Variants in SCAPER observed in about 807,000 individuals in gnomAD.
SCAPER encodes the protein S-phase cyclin A associated protein in the ER.
SCAPER carries 98 observed loss-of-function variants against 182.2 expected under a neutral mutation model. That is an observed-to-expected ratio of 0.54 (90% CI 0.46 to 0.64). SCAPER has a LOEUF of 0.64. Among genes scored for constraint, SCAPER ranks in the 30% least tolerant of loss-of-function variants. The pLI is 0.00. For missense variants in SCAPER, 1,432 were observed against 1,690.0 expected, an observed-to-expected ratio of 0.85 and a Z score of 2.68; for synonymous variants, 605 against 564.6, an observed-to-expected ratio of 1.07 and a Z score of -1.01.
At chr15:76,693,506 A>G (rs1312865087) in intron 20 of SCAPER, among the ~76,000 whole-genome samples, 1 of 152,166 alleles carries the variant, frequency 6.6e-6, no homozygotes, top group Non-Finnish European at 1.5e-5. Context: ...AACTGAAAGC[A>G]AGGACTCAAA....
chr15:76,634,222 G>A (rs971781178), intron 21 of SCAPER, among the ~76,000 whole-genome samples: 2 of 152,194 alleles, frequency 1.3e-5, no homozygotes, highest in African/African-American at 4.8e-5. Flanking sequence ...CCCTTGCCTG[G>A]GGGAGGGAGC....
Position 76,728,740 on chromosome 15 carries a change from A to C in SCAPER, c.2023-3T>G, listed in dbSNP as rs1327430918. The stretch of plus-strand genomic sequence containing the variant: ...GCCTCTAGAGCTCTCTTGCGTTCCT[A>C]ATGTTAGAAATATTTGTTTCCAATA... On this transcript the variant is annotated splice_region_variant and splice_polypyrimidine_tract_variant and intron_variant, in intron 16 of 31. Transcript: ENST00000563290. 1 of 1,603,910 alleles carries C rather than the reference A, an allele frequency of 6.2e-7. No individual in the cohort carries two copies. Among genetic ancestry groups the C allele is most frequent in the Non-Finnish European group, 8.5e-7 (1 of 1,177,002 alleles).
intron 1 of SCAPER, among the ~76,000 whole-genome samples, chr15:76,886,297 T>C (rs955694559): frequency 4.6e-5 from 7 of 151,814 alleles, no homozygotes; most frequent in African/African-American, 1.7e-4. Context: ...CTGGGCAACA[T>C]GGCAAAACCC....
At chr15:76,706,779 T>C (rs1386888319) in intron 17 of SCAPER, among the ~76,000 whole-genome samples, 1 of 152,034 alleles carries the variant, frequency 6.6e-6, no homozygotes, top group Non-Finnish European at 1.5e-5. Context: ...CAGCTTTACA[T>C]ACCACTCCCC....
At position 76,373,611 on chromosome 15, in the gene SCAPER, A is replaced by G. The variant is rs1400828482; in HGVS notation, c.3855+2551T>C. Among the ~76,000 whole-genome samples the G allele has an allele frequency of 3.3e-5, 5 of 152,268 alleles. No homozygotes were observed. The South Asian group carries it at 8.3e-4, about 25-fold the overall frequency. On this transcript the variant is annotated intron_variant, in intron 29 of 31. Coordinates refer to ENST00000563290, the MANE Select transcript of SCAPER (RefSeq NM_020843.4). ...GCTGTAGAGGTAGGAGGGGAGAAAA[A>G]GCTGCCATCTACTCCCCTGGCAACA...
intron 25 of SCAPER, among the ~76,000 whole-genome samples, chr15:76,468,459 T>C (rs2049862488): frequency 6.6e-6 from 1 of 152,070 alleles, no homozygotes. Flanking sequence ...TCAAGAAACC[T>C]TAGGTTACAA....
intron 5 of SCAPER, among the ~76,000 whole-genome samples, chr15:76,807,522 T>TA (rs1805505527): frequency 6.6e-6 from 1 of 152,162 alleles, no homozygotes; most frequent in Admixed American, 6.5e-5. Flanking sequence ...TTATTTTTTT[T>TA]ATTTTTTATT....
chr15:76,430,702 C>T (rs1307193488), intron 26 of SCAPER, among the ~76,000 whole-genome samples: 2 of 152,186 alleles, frequency 1.3e-5, no homozygotes, highest in African/African-American at 4.8e-5. Context: ...TTTACAGGCT[C>T]ACAGGCAGAA....
intron 17 of SCAPER, among the ~76,000 whole-genome samples, chr15:76,718,686 T>C (rs1489196166): frequency 1.3e-5 from 2 of 151,022 alleles, no homozygotes; most frequent in Admixed American, 6.6e-5. Flanking sequence ...AAAATATATA[T>C]ATTTAAAAAA....
intron 21 of SCAPER, among the ~76,000 whole-genome samples, chr15:76,625,028 A>T (rs2052438501): frequency 6.6e-6 from 1 of 152,134 alleles, no homozygotes; most frequent in Non-Finnish European, 1.5e-5. Flanking sequence ...GATGGCAATG[A>T]CAGGTTGGGT....
At chr15:76,770,443 G>C (rs1461164310) in intron 10 of SCAPER, among the ~76,000 whole-genome samples, 2 of 151,650 alleles carry the variant, frequency 1.3e-5, no homozygotes, top group Non-Finnish European at 2.9e-5. Flanking sequence ...AAACAATAAG[G>C]TGCTTATCAC....
At chr15:76,825,767 CAG>C (rs2067958206) in intron 5 of SCAPER, among the ~76,000 whole-genome samples, 1 of 152,086 alleles carries the variant, frequency 6.6e-6, no homozygotes, top group Non-Finnish European at 1.5e-5. Context: ...TTTTTTGAGA[CAG>C]AGTCTCGCTC....
At chr15:76,886,182 T>TA (rs1186277884) in intron 1 of SCAPER, among the ~76,000 whole-genome samples, 1 of 152,108 alleles carries the variant, frequency 6.6e-6, no homozygotes, top group Admixed American at 6.5e-5. Context: ...TGAAAATGTA[T>TA]AAAAATAAAA....
chr15:76,743,239 CT>C (rs1242901191), intron 15 of SCAPER, among the ~76,000 whole-genome samples: 1 of 151,982 alleles, frequency 6.6e-6, no homozygotes, highest in Non-Finnish European at 1.5e-5. Flanking sequence ...TGTCTATTTT[CT>C]TTGTAGAAAT....
chr15:76,692,657 C>G (rs2058424053), intron 20 of SCAPER, among the ~76,000 whole-genome samples: 1 of 141,212 alleles, frequency 7.1e-6, no homozygotes, highest in Non-Finnish European at 1.5e-5. Flanking sequence ...CCACTGCACT[C>G]CAGCCTGGGT....
At chr15:76,605,844 G>C (rs1397984638) in intron 22 of SCAPER, among the ~76,000 whole-genome samples, 2 of 152,156 alleles carry the variant, frequency 1.3e-5, no homozygotes, top group Admixed American at 1.3e-4. Flanking sequence ...ATGGTAGTTT[G>C]TATTTCTGTG....
rs188743896 is a variant in SCAPER, at chr15:76,789,967, G to A, written c.772+5313C>T. ...AATGGGGCCGGGCGCGGTGGCTCACGCCTGTAATCCCAGCACTTTGGGAGG... is the reference window on the plus strand; with the variant it reads ...AATGGGGCCGGGCGCGGTGGCTCACACCTGTAATCCCAGCACTTTGGGAGG... On this transcript the variant is annotated intron_variant, in intron 8 of 31. Transcript: ENST00000563290. 1.1e-4 allele frequency among the ~76,000 whole-genome samples: 17 copies of A among 152,226 alleles called. No homozygotes were observed. In the East Asian group the frequency reaches 2.7e-3, roughly 24 times the overall value.
chr15:76,388,972 T>A (rs1483463567), intron 27 of SCAPER, among the ~76,000 whole-genome samples: 1 of 145,764 alleles, frequency 6.9e-6, no homozygotes, highest in East Asian at 2.1e-4. Flanking sequence ...AAAAAAAAAA[T>A]TACAGTCAGT....
intron 26 of SCAPER, among the ~76,000 whole-genome samples, chr15:76,425,896 T>C (rs1161596211): frequency 6.6e-6 from 1 of 152,230 alleles, no homozygotes; most frequent in Non-Finnish European, 1.5e-5. Context: ...CCTGTTTGCC[T>C]GGGTATCAGC....
Sources: gnomAD v4.1 joint callset for allele counts (sites outside exome capture counted in the v4.1 genomes callset) on GRCh38, gnomAD v4.1.1 for gene constraint, MANE v1.5 for transcripts, NCBI Gene and HGNC (gene_info 2026-07-23, HGNC 2026-07-21) for gene names.